XIRP2: variants seen among roughly 807,000 people sequenced by gnomAD.
XIRP2 encodes the protein xin actin binding repeat containing 2.
A neutral mutation model predicts 277.0 loss-of-function variants in XIRP2; 236 were observed. That is an observed-to-expected ratio of 0.85 (90% CI 0.77 to 0.95). The LOEUF is 0.95. Ranked by LOEUF, XIRP2 falls within the 40% of genes least tolerant of loss-of-function variation. The pLI is 0.00. For synonymous variants in XIRP2, 1,490 were observed against 1,416.5 expected (o/e 1.05, Z -1.17); for missense variants, 4,640 against 4,157.5 (o/e 1.12, Z -3.19).
intron 2 of XIRP2, among the ~76,000 whole-genome samples, chr2:167,023,834 T>A (rs1298525590): frequency 3.3e-5 from 5 of 152,196 alleles, no homozygotes; most frequent in Non-Finnish European, 7.3e-5. Flanking sequence ...TTGGTACCAG[T>A]ACCATGCTGT....
At position 167,245,992 on chromosome 2, in the gene XIRP2, C is replaced by T. The variant is rs944664913; in HGVS notation, c.4600C>T (p.Leu1534Phe). ...CACATGGCTCTTTGAAACAACACCA[C>T]TTCATGAATTTAATGAAACTAGAGT... ...TTTWLFETTP[L>F]HEFNETRVEK... The change falls in exon 9 of 11, where the codon CTT (leucine) becomes TTT (phenylalanine). Residue 1534 changes from leucine to phenylalanine, a missense_variant. Physicochemically the swap from Leu to Phe is conservative, Grantham distance 22. Transcript: ENST00000409195. 3.7e-6 allele frequency: 6 copies of T among 1,613,082 alleles called. No homozygotes were observed. The African/African-American group carries it at 6.7e-5, about 18-fold the overall frequency.
In XIRP2 at chr2:167,138,930, G is replaced by C. The variant is rs183859810; in HGVS notation, c.562+2868G>C. On this transcript the variant is annotated intron_variant, in intron 3 of 10. Transcript: ENST00000409195. ...AAAAATACAAAAATTAGCTGGGCATGATAGTGGGTGCCTGTAATCTCAGCT... is the reference window on the plus strand; with the variant it reads ...AAAAATACAAAAATTAGCTGGGCATCATAGTGGGTGCCTGTAATCTCAGCT... Among the ~76,000 whole-genome samples, 575 of 152,118 alleles carry C rather than the reference G, an allele frequency of 3.8e-3. 1 individual carries two copies. Among genetic ancestry groups the C allele is most frequent in the Admixed American group, 6.4e-3 (97 of 15,264 alleles).
Position 167,245,174 on chromosome 2 carries a change from T to C in XIRP2, c.3782T>C (p.Val1261Ala). Reference sequence around the variant, plus strand: ...GAAAGCCAAGAAGGTGATGAATGTGTTAAGACGGTGACAGACATACAAGGT... The same window carrying C: ...GAAAGCCAAGAAGGTGATGAATGTGCTAAGACGGTGACAGACATACAAGGT... The part of the protein sequence containing the change: ...IKESQEGDEC[V>A]KTVTDIQGGD... The change falls in exon 9 of 11, where the codon GTT (valine) becomes GCT (alanine). Residue 1261 changes from valine (V) to alanine (A), a missense_variant. Physicochemically the swap from Val to Ala is moderately conservative, Grantham distance 64 (BLOSUM62 0). Coordinates refer to ENST00000409195, the MANE Select transcript of XIRP2 (RefSeq NM_152381.6). The C allele has an allele frequency of 6.2e-7, 1 of 1,613,490 alleles. No individual in the cohort carries two copies. Among genetic ancestry groups the C allele is most frequent in the Non-Finnish European group, 8.5e-7 (1 of 1,179,690 alleles).
chr2:166,997,490 T>G (rs1452625166), intron 2 of XIRP2, among the ~76,000 whole-genome samples: 1 of 152,178 alleles, frequency 6.6e-6, no homozygotes, highest in Non-Finnish European at 1.5e-5. Context: ...CCATTTAATA[T>G]TTTTTTCCAG....
chr2:167,165,096 A>T (rs184340488), intron 3 of XIRP2, among the ~76,000 whole-genome samples: 9 of 152,318 alleles, frequency 5.9e-5, no homozygotes, highest in Admixed American at 3.3e-4. Flanking sequence ...GGAATCGTAC[A>T]AAAGGTAGCC....
intron 2 of XIRP2, among the ~76,000 whole-genome samples, chr2:166,999,556 T>A (rs1687310744): frequency 6.6e-6 from 1 of 152,244 alleles, no homozygotes; most frequent in Non-Finnish European, 1.5e-5. Flanking sequence ...AATTTAATGT[T>A]GAATGGTCAA....
At chr2:167,021,659 C>A (rs1329940249) in intron 2 of XIRP2, among the ~76,000 whole-genome samples, 1 of 151,654 alleles carries the variant, frequency 6.6e-6, no homozygotes, top group Non-Finnish European at 1.5e-5. Flanking sequence ...GACCTAGTCT[C>A]TACAAAAAAT....
intron 3 of XIRP2, among the ~76,000 whole-genome samples, chr2:167,194,468 G>A (rs531984742): frequency 1.1e-4 from 17 of 151,742 alleles, no homozygotes; most frequent in African/African-American, 1.9e-4. Context: ...CCCTTCCTTC[G>A]TTTTTATTTC....
intron 2 of XIRP2, among the ~76,000 whole-genome samples, chr2:166,921,873 A>G (rs1258242552): frequency 6.6e-6 from 1 of 152,152 alleles, no homozygotes; most frequent in Non-Finnish European, 1.5e-5. Flanking sequence ...TGTCCCTTGC[A>G]TATGGTCAGT....
chr2:166,895,888 TA>T (rs1265411035), intron 1 of XIRP2, among the ~76,000 whole-genome samples: 2 of 152,206 alleles, frequency 1.3e-5, no homozygotes, highest in Non-Finnish European at 2.9e-5. Flanking sequence ...AGATACTTTT[TA>T]AAAACTTGCC....
At chr2:167,193,043 T>C (rs1693394355) in intron 3 of XIRP2, among the ~76,000 whole-genome samples, 1 of 152,164 alleles carries the variant, frequency 6.6e-6, no homozygotes, top group Non-Finnish European at 1.5e-5. Context: ...AATTCCAAGA[T>C]TCATCATCCC....
At chr2:167,187,350 C>G (rs1432244981) in intron 3 of XIRP2, 17 of 985,234 alleles carry the variant, frequency 1.7e-5, no homozygotes, top group Non-Finnish European at 1.8e-5. Context: ...AAAATAAATT[C>G]AGCCGTCCCA....
At chr2:167,184,767 G>A in intron 3 of XIRP2, 1 of 626,830 alleles carries the variant, frequency 1.6e-6, no homozygotes, top group South Asian at 1.9e-5. Flanking sequence ...GACAGCATTG[G>A]CCTGATGCTA....
intron 5 of XIRP2, among the ~76,000 whole-genome samples, chr2:167,235,782 C>G (rs1482148756): frequency 1.3e-5 from 2 of 151,730 alleles, no homozygotes; most frequent in African/African-American, 4.8e-5. Context: ...TTAGAGATGT[C>G]AAGTTGCATA....
chr2:166,915,893 A>G (rs1558915025), intron 2 of XIRP2, among the ~76,000 whole-genome samples: 2 of 152,282 alleles, frequency 1.3e-5, no homozygotes, highest in Admixed American at 1.3e-4. Flanking sequence ...CTATTCAAAC[A>G]TGAGCTGAAC....
rs1454785608 is a variant in XIRP2, at chr2:167,058,021, A to ATTATTTTACTTTATTTTATTTTATT, written c.409-77880_409-77879insCTTTATTTTATTTTATTTTATTTTA. Among the ~76,000 whole-genome samples, 310 of 136,838 alleles carry ATTATTTTACTTTATTTTATTTTATT rather than the reference A, an allele frequency of 2.3e-3. 3 individuals are homozygous for ATTATTTTACTTTATTTTATTTTATT. Among genetic ancestry groups the ATTATTTTACTTTATTTTATTTTATT allele is most frequent in the East Asian group, 0.014 (65 of 4,626 alleles). 89.8% of individuals were successfully genotyped at this position (136,838 alleles called of 152,430 possible). A position where few individuals can be genotyped will look rare whatever the true frequency, so the allele number is the denominator to read the frequency against. On this transcript the variant is annotated intron_variant, in intron 2 of 10. Coordinates refer to ENST00000409195, the MANE Select transcript of XIRP2 (RefSeq NM_152381.6). The stretch of plus-strand genomic sequence containing the variant: ...TATGCATGTTTTATTTTATTTTATA[A>ATTATTTTACTTTATTTTATTTTATT]TTATTTTATTTTATTTTATTTTATT...
At chr2:167,257,072 T>G (rs1308718366) in intron 10 of XIRP2, among the ~76,000 whole-genome samples, 1 of 151,926 alleles carries the variant, frequency 6.6e-6, no homozygotes, top group East Asian at 1.9e-4. Flanking sequence ...GTTCTCTGAT[T>G]GGCATGTGAT....
Position 167,248,996 on chromosome 2 carries a change from C to T in XIRP2, c.7604C>T (p.Pro2535Leu), listed in dbSNP as rs1345867856. 6 of 1,611,384 alleles carry T rather than the reference C, an allele frequency of 3.7e-6. No homozygotes were observed. Among genetic ancestry groups the T allele is most frequent in the African/African-American group, 1.3e-5 (1 of 74,548 alleles). The change falls in exon 9 of 11, where the codon CCT becomes CTT. Residue 2535 changes from proline to leucine, a missense_variant. Coordinates refer to ENST00000409195, the MANE Select transcript of XIRP2 (RefSeq NM_152381.6). ...AGTTCAGGACAACAAAATCCAAAAC[C>T]TTATATGAGAAAATTTAAGACACCT... ...PESSGQQNPK[P>L]YMRKFKTPLM...
chr2:166,968,537 C>T (rs1246405432), intron 2 of XIRP2, among the ~76,000 whole-genome samples: 13 of 151,934 alleles, frequency 8.6e-5, no homozygotes, highest in Admixed American at 8.5e-4. Context: ...GCCTTCAAAT[C>T]CCTGATGCTT....
Sources: allele counts gnomAD v4.1 joint callset (sites outside exome capture counted in the v4.1 genomes callset), GRCh38; gene constraint gnomAD v4.1.1; transcripts MANE v1.5; gene names NCBI Gene and HGNC (gene_info 2026-07-23, HGNC 2026-07-21).